IQGAP2: variants seen among roughly 807,000 people sequenced by gnomAD.
IQGAP2 encodes ras GTPase-activating-like protein IQGAP2.
In IQGAP2, 173 loss-of-function variants were observed where a neutral mutation model predicts 201.3. That is an observed-to-expected ratio of 0.86 (90% CI 0.76 to 0.98). The LOEUF (loss-of-function observed/expected upper bound fraction) is 0.98. IQGAP2 is among the 50% of genes least tolerant of loss of function. The probability of loss-of-function intolerance (pLI) is 0.00; values close to 1 mark genes in which losing one functional copy is unlikely to be tolerated. For synonymous variants in IQGAP2, 675 were observed against 673.9 expected, an observed-to-expected ratio of 1.00 and a Z score of -0.03; for missense variants, 1,687 against 1,864.8, an observed-to-expected ratio of 0.90 and a Z score of 1.76.
intron 2 of IQGAP2, among the ~76,000 whole-genome samples, chr5:76,553,362 A>T (rs1194326886): frequency 6.6e-6 from 1 of 152,230 alleles, no homozygotes; most frequent in Non-Finnish European, 1.5e-5. Flanking sequence ...AGAACAGGGC[A>T]CTGCATTAAA....
intron 2 of IQGAP2, among the ~76,000 whole-genome samples, chr5:76,528,248 T>G (rs1211344456): frequency 2.0e-5 from 3 of 152,236 alleles, no homozygotes; most frequent in African/African-American, 7.2e-5. Context: ...CCTCTCTCAC[T>G]GTCTCGCCTG....
intron 2 of IQGAP2, among the ~76,000 whole-genome samples, chr5:76,498,163 C>T (rs1003226187): frequency 6.6e-6 from 1 of 152,222 alleles, no homozygotes; most frequent in Non-Finnish European, 1.5e-5. Context: ...GCATGACATA[C>T]ATATTCAAAT....
intron 2 of IQGAP2, among the ~76,000 whole-genome samples, chr5:76,496,604 T>A (rs1378668880): frequency 6.6e-6 from 1 of 152,150 alleles, no homozygotes; most frequent in African/African-American, 2.4e-5. Context: ...TGTTGGGGGA[T>A]CATGCGGAGG....
intron 3 of IQGAP2, among the ~76,000 whole-genome samples, chr5:76,568,415 T>G (rs1318740532): frequency 6.6e-6 from 1 of 152,232 alleles, no homozygotes; most frequent in Non-Finnish European, 1.5e-5. Context: ...CTTCCATATA[T>G]TCTCAGATTA....
At chr5:76,604,337 TTCC>T (rs1198276106) in intron 11 of IQGAP2, among the ~76,000 whole-genome samples, 1 of 152,026 alleles carries the variant, frequency 6.6e-6, no homozygotes, top group Non-Finnish European at 1.5e-5. Flanking sequence ...CTGCATAGTA[TTCC>T]ATGGTGTATA....
chr5:76,462,553 TTTGA>T (rs1304475230), intron 2 of IQGAP2, among the ~76,000 whole-genome samples: 1 of 151,964 alleles, frequency 6.6e-6, no homozygotes, highest in Non-Finnish European at 1.5e-5. Context: ...TGAGTTAGAG[TTTGA>T]TTGAATGCTT....
intron 1 of IQGAP2, among the ~76,000 whole-genome samples, chr5:76,453,871 T>C (rs976736294): frequency 3.3e-5 from 5 of 152,232 alleles, no homozygotes; most frequent in African/African-American, 1.2e-4. Context: ...CTTTCCCTTC[T>C]TCTAAATATA....
chr5:76,614,448 C>T (rs1357119950), intron 13 of IQGAP2, among the ~76,000 whole-genome samples: 3 of 152,064 alleles, frequency 2.0e-5, no homozygotes, highest in Non-Finnish European at 4.4e-5. Flanking sequence ...CAGGTCCAAG[C>T]GATGAATCAT....
intron 13 of IQGAP2, chr5:76,617,545 T>C (rs1561514971): frequency 2.6e-6 from 4 of 1,515,446 alleles, no homozygotes; most frequent in East Asian, 2.3e-5. Context: ...ACAGACGTTC[T>C]CTGTGATGGC....
chr5:76,633,674 A>T (rs1373917990), intron 15 of IQGAP2, among the ~76,000 whole-genome samples: 3 of 152,182 alleles, frequency 2.0e-5, no homozygotes, highest in Non-Finnish European at 4.4e-5. Context: ...ACAAAACCCA[A>T]TACTTATTAG....
At chr5:76,560,585 C>T (rs984165994) in intron 2 of IQGAP2, among the ~76,000 whole-genome samples, 22 of 152,166 alleles carry the variant, frequency 1.4e-4, no homozygotes, top group African/African-American at 4.6e-4. Flanking sequence ...CCAGGTTCTA[C>T]CACCTTTTTA....
intron 1 of IQGAP2, among the ~76,000 whole-genome samples, chr5:76,405,536 A>G (rs1231568981): frequency 2.0e-5 from 3 of 152,258 alleles, no homozygotes; most frequent in Non-Finnish European, 4.4e-5. Context: ...CTTTAATATG[A>G]CAGTTATCTC....
At chr5:76,663,320 T>C (rs1743434177) in intron 21 of IQGAP2, among the ~76,000 whole-genome samples, 1 of 152,210 alleles carries the variant, frequency 6.6e-6, no homozygotes, top group Non-Finnish European at 1.5e-5. Flanking sequence ...GCATTCCTGA[T>C]GTGCAAATAG....
At position 76,701,115 on chromosome 5, in the gene IQGAP2, A is replaced by C. The variant is rs780230600; in HGVS notation, c.4407A>C (p.Glu1469Asp). 1.9e-5 allele frequency: 31 copies of C among 1,614,078 alleles called. No homozygotes were observed. Among genetic ancestry groups the C allele is most frequent in the Non-Finnish European group, 2.5e-6 (3 of 1,179,996 alleles). Reference protein sequence around the residue: ...RRSIKLDGKGEPKGAKRAKPV... With the variant: ...RRSIKLDGKGDPKGAKRAKPV... ...CAATTAAACTAGATGGAAAAGGAGAACCCAAAGGGGCGAAGAGAGCGAAGC... is the reference window on the plus strand; with the variant it reads ...CAATTAAACTAGATGGAAAAGGAGACCCCAAAGGGGCGAAGAGAGCGAAGC... Residue 1469 changes from glutamate (E) to aspartate (D), a missense_variant, in exon 34 of 36, where the codon GAA becomes GAC. Physicochemically the swap from Glu to Asp is conservative, Grantham distance 45. Coordinates refer to ENST00000274364, the MANE Select transcript of IQGAP2 (RefSeq NM_006633.5).
chr5:76,666,103 AGAAACAC>A (rs1391707697), intron 22 of IQGAP2, among the ~76,000 whole-genome samples: 1 of 152,226 alleles, frequency 6.6e-6, no homozygotes, highest in Non-Finnish European at 1.5e-5. Flanking sequence ...AACCTCATGG[AGAAACAC>A]GATGTTAATT....
chr5:76,451,579 G>A (rs747775059), intron 1 of IQGAP2, among the ~76,000 whole-genome samples: 1 of 152,130 alleles, frequency 6.6e-6, no homozygotes, highest in Non-Finnish European at 1.5e-5. Context: ...TTAAAAATAC[G>A]GTAAAACTGA....
Position 76,671,856 on chromosome 5 carries a change from C to G in IQGAP2, c.2941C>G (p.Leu981Val). Reference protein sequence around the residue: ...FNRGARGQNTLRQLLAPVVKE... With the variant: ...FNRGARGQNTVRQLLAPVVKE... ...TAGAGGTGCCCGGGGACAGAACACC[C>G]TGCGCCAACTCCTGGCTCCAGTGGT... The change falls in exon 24 of 36, where the codon CTG becomes GTG. Residue 981 changes from leucine to valine, a missense_variant. Physicochemically the swap from Leu to Val is conservative, Grantham distance 32 (BLOSUM62 1). Coordinates refer to ENST00000274364, the MANE Select transcript of IQGAP2 (RefSeq NM_006633.5). The G allele has an allele frequency of 1.2e-6, 2 of 1,614,044 alleles. No individual in the cohort carries two copies. Among genetic ancestry groups the G allele is most frequent in the Non-Finnish European group, 1.7e-6 (2 of 1,179,974 alleles).
At chr5:76,503,220 C>T (rs542731071) in intron 2 of IQGAP2, among the ~76,000 whole-genome samples, 1 of 128,338 alleles carries the variant, frequency 7.8e-6, no homozygotes, top group Admixed American at 9.7e-5. Flanking sequence ...GTTGCCCAGG[C>T]TGGAGTGCAA....
chr5:76,553,259 T>G (rs10474481), intron 2 of IQGAP2, among the ~76,000 whole-genome samples: 72,025 of 152,102 alleles, frequency 0.47, 17,475 homozygotes, highest in South Asian at 0.62. Context: ...AAAAACAAAG[T>G]CCAGATATTC....
Sources: gnomAD v4.1 joint callset for allele counts (sites outside exome capture counted in the v4.1 genomes callset) on GRCh38, gnomAD v4.1.1 for gene constraint, MANE v1.5 for transcripts, NCBI Gene and HGNC (gene_info 2026-07-23, HGNC 2026-07-21) for gene names.